Variants in STX2 observed in about 807,000 individuals in gnomAD.
The protein encoded by STX2 is syntaxin 2.
In STX2, 27 loss-of-function variants were observed where a neutral mutation model predicts 40.6. The ratio of observed to expected loss-of-function variants is 0.66; its 90% CI spans 0.49 to 0.92. STX2 has a LOEUF of 0.92. STX2 is among the 40% of genes least tolerant of loss of function. STX2 has a pLI of 0.00. For missense variants in STX2, 328 were observed against 366.1 expected, an observed-to-expected ratio of 0.90 and a Z score of 0.85; for synonymous variants, 123 against 119.1, an observed-to-expected ratio of 1.03 and a Z score of -0.22.
chr12:130,793,532 G>A (rs1434270520), intron 10 of STX2, among the ~76,000 whole-genome samples: 1 of 152,202 alleles, frequency 6.6e-6, no homozygotes, highest in African/African-American at 2.4e-5. Flanking sequence ...GCACTTTCCT[G>A]CCACATCTGG....
At chr12:130,828,605 A>G (rs1952423989) in intron 1 of STX2, among the ~76,000 whole-genome samples, 1 of 151,386 alleles carries the variant, frequency 6.6e-6, no homozygotes, top group South Asian at 2.1e-4. Flanking sequence ...GGTGGCTCAC[A>G]CCTGTAATCC....
At chr12:130,796,659 AC>A (rs906337996) in intron 9 of STX2, among the ~76,000 whole-genome samples, 5 of 152,152 alleles carry the variant, frequency 3.3e-5, no homozygotes, top group African/African-American at 1.2e-4. Flanking sequence ...ATCCATGGGG[AC>A]AGCACGACCA....
rs1264992202 is a variant in STX2 at position 130,802,520 on chromosome 12, T to TACGGTCTCACTCTGTCACCCAGACTG, written c.464-1058_464-1033dup. On this transcript the variant is annotated intron_variant, in intron 6 of 10. Transcript: ENST00000392373. ...GCCCTTTTTATTTTTTTAACAAAGATACGGTCTCACTCTGTCACCCAGACT... is the reference window on the plus strand; with the variant it reads ...GCCCTTTTTATTTTTTTAACAAAGATACGGTCTCACTCTGTCACCCAGACTGACGGTCTCACTCTGTCACCCAGACT... Among the ~76,000 whole-genome samples the TACGGTCTCACTCTGTCACCCAGACTG allele has an allele frequency of 3.3e-5, 5 of 151,562 alleles. No homozygotes were observed. The East Asian group carries it at 5.8e-4, about 18-fold the overall frequency.
At chr12:130,800,550 C>T (rs1250728166) in intron 8 of STX2, among the ~76,000 whole-genome samples, 1 of 152,240 alleles carries the variant, frequency 6.6e-6, no homozygotes, top group African/African-American at 2.4e-5. Flanking sequence ...GTAACAGGCA[C>T]AAGCTTGCAT....
Position 130,830,616 on chromosome 12 carries a change from G to C in STX2, c.31-3349C>G, listed in dbSNP as rs145763189. ...TGACTTATATGTCTTATTTCTACCT[G>C]GAAGTCTCAAAACTGATTAGATAAC... On this transcript the variant is annotated intron_variant, in intron 1 of 10. Transcript: ENST00000392373. Among the ~76,000 whole-genome samples, 187 of 152,184 alleles carry C rather than the reference G, an allele frequency of 1.2e-3. 5 individuals are homozygous for C. The East Asian group carries it at 0.02, about 16-fold the overall frequency.
intron 6 of STX2, among the ~76,000 whole-genome samples, chr12:130,804,895 C>G (rs1243754390): frequency 6.6e-6 from 1 of 151,506 alleles, no homozygotes; most frequent in Non-Finnish European, 1.5e-5. Context: ...ATTCTGTGGG[C>G]TGAGATAGAA....
intron 1 of STX2, among the ~76,000 whole-genome samples, chr12:130,833,257 CAG>C (rs1228038377): frequency 6.6e-6 from 1 of 151,074 alleles, no homozygotes; most frequent in Non-Finnish European, 1.5e-5. Context: ...CAAACGGAAA[CAG>C]AGACACACAC....
chr12:130,817,323 T>C (rs923961142), intron 3 of STX2, among the ~76,000 whole-genome samples: 4 of 152,112 alleles, frequency 2.6e-5, no homozygotes, highest in Non-Finnish European at 5.9e-5. Flanking sequence ...AATAATTCCA[T>C]AGATGAAGAA....
chr12:130,830,492 C>T (rs1952519190), intron 1 of STX2, among the ~76,000 whole-genome samples: 1 of 152,228 alleles, frequency 6.6e-6, no homozygotes, highest in African/African-American at 2.4e-5. Context: ...AAGTCATTCG[C>T]TTGCTGGTAA....
intron 3 of STX2, among the ~76,000 whole-genome samples, chr12:130,818,184 AAATATATATATATATATATAT>A (rs1350923098): frequency 2.7e-5 from 1 of 37,254 alleles, no homozygotes; most frequent in African/African-American, 8.1e-5. Flanking sequence ...AAAAAAAAAA[AAATATATATATATATATATAT>A]ATATATATAT....
chr12:130,833,648 T>C (rs1441174510), intron 1 of STX2, among the ~76,000 whole-genome samples: 1 of 152,144 alleles, frequency 6.6e-6, no homozygotes, highest in Admixed American at 6.5e-5. Flanking sequence ...TGACCTCAAG[T>C]GATCCTTCCA....
At chr12:130,836,929 A>G (rs1952772198) in intron 1 of STX2, among the ~76,000 whole-genome samples, 1 of 152,158 alleles carries the variant, frequency 6.6e-6, no homozygotes, top group Non-Finnish European at 1.5e-5. Flanking sequence ...AAACTGATTG[A>G]CATGTTCTAC....
chr12:130,818,185 A>AAAAATATATAT, intron 3 of STX2, among the ~76,000 whole-genome samples: 45 of 70,500 alleles, frequency 6.4e-4, no homozygotes, highest in African/African-American at 2.9e-3. Context: ...AAAAAAAAAA[A>AAAAATATATAT]ATATATATAT....
At chr12:130,796,189 C>T (rs1369331800) in intron 9 of STX2, 69 bp from the exon 10 acceptor site, 1 of 1,591,742 alleles carries the variant, frequency 6.3e-7, no homozygotes, top group Non-Finnish European at 8.6e-7. Flanking sequence ...AAAAGACATC[C>T]TTCATTTAAA....
intron 3 of STX2, among the ~76,000 whole-genome samples, chr12:130,820,796 A>T (rs1371593514): frequency 6.6e-6 from 1 of 152,228 alleles, no homozygotes; most frequent in East Asian, 1.9e-4. Flanking sequence ...ACAGCACCGC[A>T]CAGACCGGCA....
At chr12:130,797,666 T>A (rs1038919847) in intron 9 of STX2, among the ~76,000 whole-genome samples, 5 of 152,194 alleles carry the variant, frequency 3.3e-5, no homozygotes, top group Admixed American at 2.0e-4. Context: ...GAAAAACCCA[T>A]AATCTCTCCA....
At chr12:130,800,709 G>A (rs1951192281) in intron 8 of STX2, among the ~76,000 whole-genome samples, 1 of 152,236 alleles carries the variant, frequency 6.6e-6, no homozygotes, top group Non-Finnish European at 1.5e-5. Flanking sequence ...CCATTACACT[G>A]TTTGATATAC....
intron 2 of STX2, among the ~76,000 whole-genome samples, chr12:130,823,942 T>A (rs961946076): frequency 6.6e-6 from 1 of 152,234 alleles, no homozygotes; most frequent in Non-Finnish European, 1.5e-5. Context: ...AGAAACTCCA[T>A]CATTGTGCAG....
At chr12:130,827,978 C>T (rs959006780) in intron 1 of STX2, among the ~76,000 whole-genome samples, 1 of 152,204 alleles carries the variant, frequency 6.6e-6, no homozygotes, top group African/African-American at 2.4e-5. Flanking sequence ...CCCAGCACCA[C>T]CCAGAAGAAC....
Sources: allele counts gnomAD v4.1 joint callset (sites outside exome capture counted in the v4.1 genomes callset), GRCh38; gene constraint gnomAD v4.1.1; transcripts MANE v1.5; gene names NCBI Gene and HGNC (gene_info 2026-07-23, HGNC 2026-07-21).